Variants in FOXN2 observed in about 807,000 individuals in gnomAD.
The protein encoded by FOXN2 is forkhead box protein N2.
In FOXN2, 19 loss-of-function variants were observed where a neutral mutation model predicts 41.2. The ratio of observed to expected loss-of-function variants is 0.46; its 90% CI spans 0.32 to 0.68. The LOEUF (loss-of-function observed/expected upper bound fraction) is 0.68, where lower values mean the gene tolerates loss of function less well. FOXN2 is among the 30% of genes least tolerant of loss of function. The pLI is 0.03. For missense variants in FOXN2, 587 were observed against 509.4 expected (o/e 1.15, Z -1.47); for synonymous variants, 195 against 176.8 (o/e 1.10, Z -0.82).
chr2:48,341,271 A>T (rs1362350835), intron 2 of FOXN2, among the ~76,000 whole-genome samples: 1 of 152,150 alleles, frequency 6.6e-6, no homozygotes, highest in African/African-American at 2.4e-5. Flanking sequence ...TCATTTTAAG[A>T]TGTAGTTTCT....
chr2:48,339,642 G>C (rs1386896894), intron 2 of FOXN2, among the ~76,000 whole-genome samples: 1 of 152,200 alleles, frequency 6.6e-6, no homozygotes, highest in Non-Finnish European at 1.5e-5. Flanking sequence ...AGTACATGAA[G>C]CATTTGGTAT....
chr2:48,334,844 C>T (rs1670231325), intron 2 of FOXN2, among the ~76,000 whole-genome samples: 1 of 152,092 alleles, frequency 6.6e-6, no homozygotes, highest in South Asian at 2.1e-4. Flanking sequence ...CCTTTATGCC[C>T]CCAGGGTTTC....
At chr2:48,366,288 G>T (rs753182063) in intron 5 of FOXN2, among the ~76,000 whole-genome samples, 3 of 151,612 alleles carry the variant, frequency 2.0e-5, no homozygotes, top group Non-Finnish European at 4.4e-5. Flanking sequence ...GAACTTGGGA[G>T]GTGGAGATTG....
intron 6 of FOXN2, among the ~76,000 whole-genome samples, chr2:48,374,563 A>C (rs1226297132): frequency 6.6e-6 from 1 of 152,186 alleles, no homozygotes; most frequent in Non-Finnish European, 1.5e-5. Flanking sequence ...AAGAAAAGGC[A>C]TCCAGAAGGA....
chr2:48,336,418 AAT>A (rs1553410431), intron 2 of FOXN2, among the ~76,000 whole-genome samples: 63 of 147,458 alleles, frequency 4.3e-4, no homozygotes, highest in Non-Finnish European at 7.6e-4. Flanking sequence ...CAAAAAAAAA[AAT>A]ATATATATAT....
chr2:48,335,161 T>G (rs544173836), intron 2 of FOXN2, among the ~76,000 whole-genome samples: 11 of 152,342 alleles, frequency 7.2e-5, no homozygotes, highest in Middle Eastern at 6.8e-3. Flanking sequence ...TGCAAATAGT[T>G]CACGTTTTGG....
chr2:48,366,139 A>G (rs1031995034), intron 5 of FOXN2, among the ~76,000 whole-genome samples: 1 of 152,032 alleles, frequency 6.6e-6, no homozygotes, highest in African/African-American at 2.4e-5. Flanking sequence ...GGTGGATCAC[A>G]TGAGATCAAG....
At chr2:48,339,802 C>G (rs1247985290) in intron 2 of FOXN2, among the ~76,000 whole-genome samples, 1 of 152,138 alleles carries the variant, frequency 6.6e-6, no homozygotes, top group African/African-American at 2.4e-5. Flanking sequence ...ATTTCTGACA[C>G]TTGTATACCA....
At position 48,375,171 on chromosome 2, in the gene FOXN2, G is replaced by A; in HGVS notation, c.1024G>A (p.Asp342Asn). 6.2e-7 allele frequency: 1 copy of A among 1,614,178 alleles called. No homozygotes were observed. Among genetic ancestry groups the A allele is most frequent in the South Asian group, 1.1e-5 (1 of 91,084 alleles). The change falls in exon 7 of 7, where the codon GAT becomes AAT. Residue 342 changes from aspartate to asparagine, a missense_variant. Physicochemically the swap from Asp to Asn is conservative, Grantham distance 23. Coordinates refer to ENST00000340553, the MANE Select transcript of FOXN2 (RefSeq NM_002158.4). ...CCCAAAGAATAGTCACGTGGGAAGTGATGGCAGTGAAGGATTTCACAGTGA... is the reference window on the plus strand; with the variant it reads ...CCCAAAGAATAGTCACGTGGGAAGTAATGGCAGTGAAGGATTTCACAGTGA... ...FIPKNSHVGSDGSEGFHSEED... is the reference protein window; with the variant it reads ...FIPKNSHVGSNGSEGFHSEED...
intron 5 of FOXN2, among the ~76,000 whole-genome samples, chr2:48,368,105 G>C (rs1292854700): frequency 1.3e-5 from 2 of 152,080 alleles, no homozygotes; most frequent in Admixed American, 1.3e-4. Flanking sequence ...GCCTCCCAAA[G>C]TGCTGGGATT....
chr2:48,365,130 A>G (rs1056275551), intron 5 of FOXN2, among the ~76,000 whole-genome samples: 1 of 152,138 alleles, frequency 6.6e-6, no homozygotes, highest in South Asian at 2.1e-4. Flanking sequence ...TCAGATGAAA[A>G]CCTTTCTGTG....
At chr2:48,374,860 T>C in intron 6 of FOXN2, 60 bp from the exon 7 acceptor site, 1 of 1,411,514 alleles carries the variant, frequency 7.1e-7, no homozygotes, top group Non-Finnish European at 9.7e-7. Flanking sequence ...TAGTTTAAAA[T>C]TGGTCTGTTT....
chr2:48,327,634 G>A (rs939601458), intron 1 of FOXN2, among the ~76,000 whole-genome samples: 11 of 151,978 alleles, frequency 7.2e-5, no homozygotes, highest in Admixed American at 6.6e-5. Flanking sequence ...TAGTAGAGAC[G>A]GTGTTTCTCC....
intron 5 of FOXN2, among the ~76,000 whole-genome samples, chr2:48,364,042 G>C (rs1291093736): frequency 6.6e-6 from 1 of 152,124 alleles, no homozygotes; most frequent in Non-Finnish European, 1.5e-5. Flanking sequence ...GGGACTACAG[G>C]TGCACATGAC....
chr2:48,338,870 A>T (rs1670547251), intron 2 of FOXN2, among the ~76,000 whole-genome samples: 1 of 152,212 alleles, frequency 6.6e-6, no homozygotes, highest in Non-Finnish European at 1.5e-5. Context: ...ATTCTACCAT[A>T]TGAAAGTAAA....
chr2:48,314,042 C>A (rs960398870), upstream of FOXN2, among the ~76,000 whole-genome samples: 2 of 152,230 alleles, frequency 1.3e-5, no homozygotes, highest in African/African-American at 4.8e-5. Context: ...ACTGCAAACA[C>A]AGTGACTTGT....
At chr2:48,364,788 A>G (rs1344896345) in intron 5 of FOXN2, among the ~76,000 whole-genome samples, 1 of 152,224 alleles carries the variant, frequency 6.6e-6, no homozygotes, top group Non-Finnish European at 1.5e-5. Flanking sequence ...TAAAATTTCA[A>G]GACTGTGAAA....
chr2:48,372,921 G>GAAA (rs1673004380), intron 5 of FOXN2, among the ~76,000 whole-genome samples: 2 of 132,654 alleles, frequency 1.5e-5, no homozygotes, highest in African/African-American at 5.9e-5. Context: ...AAGTAAAAAT[G>GAAA]CAAAAAAAAA....
Position 48,370,244 on chromosome 2 carries a change from A to G in FOXN2, c.704-3048A>G, listed in dbSNP as rs75571755. 6.6e-3 allele frequency among the ~76,000 whole-genome samples: 1,010 copies of G among 152,282 alleles called. 13 individuals are homozygous for G. The highest frequency in any genetic ancestry group is 0.023 in the African/African-American group (949 of 41,558). On this transcript the variant is annotated intron_variant, in intron 5 of 6. Transcript: ENST00000340553. ...CTCACACAGAGACACAATATGGGCT[A>G]GCGGCTGCAACTTTTCTTCTTCAGA...
Sources: allele counts gnomAD v4.1 joint callset (sites outside exome capture counted in the v4.1 genomes callset), GRCh38; gene constraint gnomAD v4.1.1; transcripts MANE v1.5; gene names NCBI Gene and HGNC (gene_info 2026-07-23, HGNC 2026-07-21).